SLC38A8: variants seen among roughly 807,000 people sequenced by gnomAD.
SLC38A8 encodes the protein amino acid transporter SLC38A8.
In SLC38A8, 65 loss-of-function variants were observed where a neutral mutation model predicts 46.0. The ratio of observed to expected loss-of-function variants is 1.41; its 90% CI spans 1.16 to 1.74. The LOEUF is 1.74. SLC38A8 is among the 40% of genes most tolerant of loss of function. The pLI is 0.00. For synonymous variants in SLC38A8, 447 were observed against 243.7 expected, an observed-to-expected ratio of 1.83 and a Z score of -7.77; for missense variants, 998 against 567.9, an observed-to-expected ratio of 1.76 and a Z score of -7.70.
chr16:84,026,387 C>A (rs189654765), intron 6 of SLC38A8, among the ~76,000 whole-genome samples: 4 of 152,164 alleles, frequency 2.6e-5, no homozygotes, highest in African/African-American at 7.2e-5. Context: ...CCGCCATGCC[C>A]GGCTAATTTT....
chr16:84,034,599 G>A (rs1030706469), intron 3 of SLC38A8, among the ~76,000 whole-genome samples: 65 of 152,290 alleles, frequency 4.3e-4, no homozygotes, highest in Admixed American at 4.1e-3. Flanking sequence ...TGTCTTAAGT[G>A]CTTCTTTGTT....
At position 84,016,778 on chromosome 16, in the gene SLC38A8, T is replaced by G. The variant is rs146372403; in HGVS notation, c.954-51A>C. Reference sequence around the variant, plus strand: ...CATGGGCATCTCAGGGGCACCAGCCTCCACCCGACAGCTGCTCCCCAGTCC... The same window carrying G: ...CATGGGCATCTCAGGGGCACCAGCCGCCACCCGACAGCTGCTCCCCAGTCC... On this transcript the variant is annotated intron_variant, in intron 8 of 10. Coordinates refer to ENST00000299709, the MANE Select transcript of SLC38A8 (RefSeq NM_001080442.3). 1.9e-6 allele frequency: 3 copies of G among 1,568,884 alleles called. No homozygotes were observed. The South Asian group carries it at 3.4e-5, about 18-fold the overall frequency.
Position 84,026,065 on chromosome 16 carries a change from G to A in SLC38A8, c.691-3176C>T, listed in dbSNP as rs370079154. Among the ~76,000 whole-genome samples the A allele has an allele frequency of 1.3e-3, 192 of 152,358 alleles. 4 individuals carry two copies. In the South Asian group the frequency reaches 0.035, roughly 28 times the overall value. ...ATGGCAGGCTCTGCCTTCAGGGCAC[G>A]GCAGATGCCCCGAGGTGGGGAGTCC... On this transcript the variant is annotated intron_variant, in intron 6 of 10. Transcript: ENST00000299709.
intron 3 of SLC38A8, among the ~76,000 whole-genome samples, chr16:84,035,012 G>C (rs900479177): frequency 6.6e-6 from 1 of 152,104 alleles, no homozygotes. Flanking sequence ...TCAGAAGCTT[G>C]GCCTTCCCTA....
At position 84,022,834 on chromosome 16, in the gene SLC38A8, T is replaced by C. The variant is rs757805013; in HGVS notation, c.746A>G (p.His249Arg). 3 of 1,612,908 alleles carry C rather than the reference T, an allele frequency of 1.9e-6. No homozygotes were observed. The highest frequency in any genetic ancestry group is 2.2e-5 in the South Asian group (2 of 90,986). ...YCSMRKRSLS[H>R]WALVSVLSLL... Reference sequence around the variant, plus strand: ...GGACAGCACAGACACCAGGGCCCAGTGGGAGAGGCTCCGTTTGCGCATGCT... The same window carrying C: ...GGACAGCACAGACACCAGGGCCCAGCGGGAGAGGCTCCGTTTGCGCATGCT... Residue 249 changes from histidine to arginine, a missense_variant, in exon 7 of 11, where the codon CAC becomes CGC. His to Arg is a conservative substitution (Grantham distance 29). Transcript: ENST00000299709.
In SLC38A8 at chr16:84,009,799, G is replaced by C. The variant is rs201257386; in HGVS notation, c.1293C>G (p.Val431=). ...FIFGQSTAAA[V]WEMF is the part of the protein sequence containing the mutation. ...TAGCTGCCCATCAGAACATCTCCCA[G>C]ACCGCTGCCGCCGTGCTCTGCCCAA... The change falls in exon 11 of 11, where the codon GTC becomes GTG. Residue 431 remains valine, a synonymous_variant. Coordinates refer to ENST00000299709, the MANE Select transcript of SLC38A8 (RefSeq NM_001080442.3). 1 of 1,613,790 alleles carries C rather than the reference G, an allele frequency of 6.2e-7. No homozygotes were observed. The highest frequency in any genetic ancestry group is 1.3e-5 in the African/African-American group (1 of 74,906).
intron 5 of SLC38A8, among the ~76,000 whole-genome samples, chr16:84,029,804 G>C (rs1200453040): frequency 2.6e-5 from 4 of 152,230 alleles, no homozygotes; most frequent in African/African-American, 9.6e-5. Flanking sequence ...AATTTGGGCA[G>C]GAAAACCGCA....
chr16:84,034,743 G>C (rs1228944280), intron 3 of SLC38A8, among the ~76,000 whole-genome samples: 5 of 152,142 alleles, frequency 3.3e-5, no homozygotes, highest in Non-Finnish European at 7.4e-5. Context: ...GAGATGCCAA[G>C]GGACTGCACA....
rs577704341 is a variant in SLC38A8 at position 84,011,828 on chromosome 16, G to A, written c.1214+1173C>T. On this transcript the variant is annotated intron_variant, in intron 10 of 10. Coordinates refer to ENST00000299709, the MANE Select transcript of SLC38A8 (RefSeq NM_001080442.3). ...GAGCCCAGGGGGTTGAGGCTGTAGT[G>A]AGCCACAATTACGCCACTGCACTCC... Among the ~76,000 whole-genome samples the A allele has an allele frequency of 8.5e-4, 129 of 152,284 alleles. 2 individuals are homozygous for A. The South Asian group carries it at 0.023, about 27-fold the overall frequency.
At position 84,022,765 on chromosome 16, in the gene SLC38A8, A is replaced by G. The variant is rs1222700873; in HGVS notation, c.805+10T>C. The G allele has an allele frequency of 1.9e-6, 3 of 1,611,024 alleles. No individual in the cohort carries two copies. Among genetic ancestry groups the G allele is most frequent in the Non-Finnish European group, 2.5e-6 (3 of 1,177,278 alleles). On this transcript the variant is annotated intron_variant, in intron 7 of 10. Coordinates refer to ENST00000299709, the MANE Select transcript of SLC38A8 (RefSeq NM_001080442.3). ...CCACCCTCTGCAGGGGTGCCTGGGAAGGGCCTTACCCGTCAGTGAATAGAT... is the reference window on the plus strand; with the variant it reads ...CCACCCTCTGCAGGGGTGCCTGGGAGGGGCCTTACCCGTCAGTGAATAGAT...
chr16:84,026,127 T>A (rs1259242108), intron 6 of SLC38A8, among the ~76,000 whole-genome samples: 1 of 152,156 alleles, frequency 6.6e-6, no homozygotes, highest in Admixed American at 6.5e-5. Context: ...CACAGCTGAG[T>A]CCAATATAAG....
intron 9 of SLC38A8, among the ~76,000 whole-genome samples, chr16:84,015,594 G>A (rs758310827): frequency 1.8e-4 from 27 of 151,952 alleles, no homozygotes; most frequent in African/African-American, 5.1e-4. Flanking sequence ...TCAGGGCCTC[G>A]GTCTTCGCAT....
intron 5 of SLC38A8, 124 bp from the exon 6 acceptor site, chr16:84,029,675 T>C (rs1214144019): frequency 4.2e-6 from 4 of 955,590 alleles, no homozygotes; most frequent in African/African-American, 1.7e-5. Flanking sequence ...AAGATGTATT[T>C]TTAATGACTG....
In SLC38A8 at chr16:84,012,985, T is replaced by C. The variant is rs750804604; in HGVS notation, c.1214+16A>G. 7.1e-5 allele frequency: 114 copies of C among 1,613,874 alleles called. No individual in the cohort carries two copies. Among genetic ancestry groups the C allele is most frequent in the Non-Finnish European group, 9.3e-5 (110 of 1,179,922 alleles). On this transcript the variant is annotated intron_variant, in intron 10 of 10. Transcript: ENST00000299709. ...GGGGCACACCCAGGGTGCCACCTCATCTTAGGGACACTTACTTGACTCTTG... is the reference window on the plus strand; with the variant it reads ...GGGGCACACCCAGGGTGCCACCTCACCTTAGGGACACTTACTTGACTCTTG...
At chr16:84,017,938 C>T (rs368155679) in intron 7 of SLC38A8, among the ~76,000 whole-genome samples, 21 of 152,300 alleles carry the variant, frequency 1.4e-4, no homozygotes, top group African/African-American at 4.6e-4. Context: ...CACCCTCTGA[C>T]CCAGGGGCTA....
chr16:84,033,309 G>A lies in SLC38A8; in HGVS notation c.530+19C>T. 3 of 1,613,886 alleles carry A rather than the reference G, an allele frequency of 1.9e-6. No individual in the cohort carries two copies. The highest frequency in any genetic ancestry group is 2.5e-6 in the Non-Finnish European group (3 of 1,179,918). On this transcript the variant is annotated intron_variant, in intron 4 of 10. Transcript: ENST00000299709. ...TCAGCAAGGTGGGGGCCCCCACCAGGCAGCATCCCAGCCCTTACCTTGTGT... is the reference window on the plus strand; with the variant it reads ...TCAGCAAGGTGGGGGCCCCCACCAGACAGCATCCCAGCCCTTACCTTGTGT...
intron 6 of SLC38A8, among the ~76,000 whole-genome samples, chr16:84,027,555 A>G (rs1274654048): frequency 6.6e-6 from 1 of 152,184 alleles, no homozygotes; most frequent in African/African-American, 2.4e-5. Flanking sequence ...TCCTGATGAC[A>G]GTATGTGACC....
chr16:84,016,270 C>G (rs1376146894), intron 9 of SLC38A8, among the ~76,000 whole-genome samples: 1 of 152,322 alleles, frequency 6.6e-6, no homozygotes, highest in Middle Eastern at 3.4e-3. Flanking sequence ...TATTACAGTT[C>G]AAGGTGAGAT....
chr16:84,030,561 C>T (rs1413525729), intron 5 of SLC38A8, among the ~76,000 whole-genome samples: 1 of 152,120 alleles, frequency 6.6e-6, no homozygotes, highest in Non-Finnish European at 1.5e-5. Flanking sequence ...TCTACCTTGA[C>T]TGTTCCAGCC....
Sources: allele counts gnomAD v4.1 joint callset (sites outside exome capture counted in the v4.1 genomes callset), GRCh38; gene constraint gnomAD v4.1.1; transcripts MANE v1.5; gene names NCBI Gene and HGNC (gene_info 2026-07-23, HGNC 2026-07-21).